Variants in M1AP observed in about 807,000 individuals in gnomAD.
M1AP encodes meiosis 1 associated protein, also known as meiosis 1 arrest protein.
In M1AP, 39 loss-of-function variants were observed where a neutral mutation model predicts 51.2. The ratio of observed to expected loss-of-function variants is 0.76; its 90% CI spans 0.59 to 1.00. The LOEUF is 1.00. Ranked by LOEUF, M1AP falls within the 50% of genes least tolerant of loss-of-function variation. The pLI, the probability that M1AP is intolerant of heterozygous loss-of-function variation, is 0.00. For synonymous variants in M1AP, 251 were observed against 249.2 expected, an observed-to-expected ratio of 1.01 and a Z score of -0.07; for missense variants, 545 against 641.2, an observed-to-expected ratio of 0.85 and a Z score of 1.62.
intron 3 of M1AP, among the ~76,000 whole-genome samples, chr2:74,609,284 C>G (rs1681195020): frequency 6.6e-6 from 1 of 152,162 alleles, no homozygotes; most frequent in South Asian, 2.1e-4. Flanking sequence ...TTTTTAGATT[C>G]CACAAATGAG....
intron 7 of M1AP, 196 bp downstream of exon 7, chr2:74,575,242 C>T (rs1185225517): frequency 1.0e-6 from 1 of 958,752 alleles, no homozygotes; most frequent in Non-Finnish European, 1.2e-6. Flanking sequence ...TAACTGAATT[C>T]AGGAATTATT....
intron 5 of M1AP, among the ~76,000 whole-genome samples, chr2:74,580,254 C>T (rs987482021): frequency 6.6e-5 from 10 of 152,160 alleles, no homozygotes; most frequent in Admixed American, 6.5e-4. Context: ...TAGTGCTTGG[C>T]ACAGAGGCAG....
chr2:74,558,458 T>C lies in M1AP; in HGVS notation c.*258A>G. The C allele has an allele frequency of 2.2e-6, 1 of 447,250 alleles. No individual in the cohort carries two copies. 27.7% of individuals were successfully genotyped at this position (447,250 alleles called of 1,614,324 possible). ...TAGAAGCTTACTGGGTGTTTAATCT[T>C]CACCTGTGTAAACAGTAGCAAATGA... On this transcript the variant is annotated 3_prime_UTR_variant, in exon 11 of 11. Coordinates refer to ENST00000421985, the MANE Select transcript of M1AP (RefSeq NM_001321739.2).
chr2:74,588,025 C>A (rs545340703), intron 4 of M1AP, among the ~76,000 whole-genome samples: 98 of 152,184 alleles, frequency 6.4e-4, no homozygotes, highest in Non-Finnish European at 9.1e-4. Context: ...GTCTGTATTT[C>A]TCTCTTCACA....
intron 2 of M1AP, among the ~76,000 whole-genome samples, chr2:74,618,381 AG>A (rs1681795577): frequency 1.3e-5 from 2 of 152,230 alleles, no homozygotes; most frequent in Non-Finnish European, 2.9e-5. Flanking sequence ...TGAAAATACA[AG>A]TCAGTGAACC....
chr2:74,606,724 T>C (rs1283791630), intron 4 of M1AP, among the ~76,000 whole-genome samples: 3 of 152,034 alleles, frequency 2.0e-5, no homozygotes, highest in African/African-American at 7.2e-5. Context: ...TTAGGATATA[T>C]TGTTTCTGAA....
In M1AP at chr2:74,560,156, T is replaced by TCGGAG. The variant is rs1677809446; in HGVS notation, c.1412_1416dup (p.Arg473LeufsTer26). Reference sequence around the variant, plus strand: ...GGGAAGGAGGGGAGCGGTACCTTTCTCGGAGCTCGGCTCTCCCAGTGTGGG... The same window carrying TCGGAG: ...GGGAAGGAGGGGAGCGGTACCTTTCTCGGAGCGGAGCTCGGCTCTCCCAGTGTGGG... On this transcript the variant is annotated frameshift_variant, in exon 9 of 11. Transcript: ENST00000421985. LOFTEE classifies it low-confidence loss of function (END_TRUNC). 1.9e-6 allele frequency: 3 copies of TCGGAG among 1,613,528 alleles called. No homozygotes were observed. The highest frequency in any genetic ancestry group is 2.5e-6 in the Non-Finnish European group (3 of 1,179,926).
At chr2:74,562,177 C>T (rs777102056) in intron 8 of M1AP, 40 bp downstream of exon 8, 16 of 1,557,058 alleles carry the variant, frequency 1.0e-5, no homozygotes, top group South Asian at 6.1e-5. Flanking sequence ...AAACTCCATT[C>T]GCTTCTAGAT....
intron 7 of M1AP, among the ~76,000 whole-genome samples, chr2:74,571,120 G>A (rs1678713295): frequency 6.6e-6 from 1 of 152,174 alleles, no homozygotes; most frequent in Admixed American, 6.5e-5. Flanking sequence ...AATGTGCAGG[G>A]AAAACCAGAA....
At chr2:74,585,288 G>A (rs562659530) in intron 4 of M1AP, among the ~76,000 whole-genome samples, 4 of 152,346 alleles carry the variant, frequency 2.6e-5, no homozygotes, top group African/African-American at 9.6e-5. Flanking sequence ...ACTCAGTGAT[G>A]TGTCCCAATT....
At position 74,625,682 on chromosome 2, in the gene M1AP, A is replaced by G. The variant is rs1232858386; in HGVS notation, c.241-10533T>C. 2.6e-5 allele frequency among the ~76,000 whole-genome samples: 4 copies of G among 152,200 alleles called. No individual in the cohort carries two copies. In the East Asian group the frequency reaches 7.7e-4, roughly 29 times the overall value. ...TGTTACATGCAGCATACTGTGGGTC[A>G]GCTGTGGGGTATAGGGACACCTAAT... On this transcript the variant is annotated intron_variant, in intron 2 of 10. Transcript: ENST00000421985.
chr2:74,628,630 C>T, intron 2 of M1AP: 1 of 667,678 alleles, frequency 1.5e-6, no homozygotes, highest in East Asian at 4.6e-5. Flanking sequence ...GATTCAAACA[C>T]CCAATGGTTC....
intron 1 of M1AP, chr2:74,648,064 G>C (rs1375754581): frequency 1.6e-5 from 16 of 985,542 alleles, no homozygotes; most frequent in Non-Finnish European, 1.9e-5. Context: ...TGGCCGCCCA[G>C]AACAGTATGC....
chr2:74,576,646 A>G, intron 5 of M1AP, 28 bp from the exon 6 acceptor site: 1 of 1,611,342 alleles, frequency 6.2e-7, no homozygotes, highest in South Asian at 1.1e-5. Flanking sequence ...TACATTTCAG[A>G]CACACTACAA....
At chr2:74,640,444 A>C in intron 1 of M1AP, 117 bp from the exon 2 acceptor site, 1 of 841,210 alleles carries the variant, frequency 1.2e-6, no homozygotes, top group South Asian at 1.9e-5. Flanking sequence ...TGGGTACTAA[A>C]GCTTGTCCAG....
intron 4 of M1AP, among the ~76,000 whole-genome samples, chr2:74,601,245 G>T (rs932086491): frequency 1.3e-5 from 2 of 151,974 alleles, no homozygotes; most frequent in Non-Finnish European, 2.9e-5. Flanking sequence ...TTCATACATT[G>T]GAATACTTCA....
chr2:74,610,452 T>C (rs1368377121), intron 3 of M1AP, among the ~76,000 whole-genome samples: 1 of 152,130 alleles, frequency 6.6e-6, no homozygotes, highest in Non-Finnish European at 1.5e-5. Context: ...TCACAAATTG[T>C]TTCCCTCATT....
chr2:74,601,941 C>T (rs1207013252), intron 4 of M1AP, among the ~76,000 whole-genome samples: 2 of 152,136 alleles, frequency 1.3e-5, no homozygotes, highest in Non-Finnish European at 2.9e-5. Flanking sequence ...GATTGAAGGA[C>T]ACATTCTCAT....
chr2:74,634,558 T>C (rs1284826484), intron 2 of M1AP, among the ~76,000 whole-genome samples: 2 of 152,212 alleles, frequency 1.3e-5, no homozygotes, highest in Non-Finnish European at 2.9e-5. Flanking sequence ...TATTTCCTTT[T>C]CTTACCTTAT....
Sources: allele counts gnomAD v4.1 joint callset (sites outside exome capture counted in the v4.1 genomes callset), GRCh38; gene constraint gnomAD v4.1.1; transcripts MANE v1.5; gene names NCBI Gene and HGNC (gene_info 2026-07-23, HGNC 2026-07-21).